The following CHST8 variants were observed in gnomAD, a reference collection of about 807,000 sequenced individuals.
CHST8 encodes carbohydrate sulfotransferase 8.
A neutral mutation model predicts 15.0 loss-of-function variants in CHST8; 10 were observed. The ratio of observed to expected loss-of-function variants is 0.67; its 90% CI spans 0.41 to 1.13. CHST8 has a LOEUF of 1.13. Ranked by LOEUF, CHST8 falls within the 50% of genes most tolerant of loss-of-function variation. The pLI, the probability that CHST8 is intolerant of heterozygous loss-of-function variation, is 0.00. For missense variants in CHST8, 634 were observed against 608.2 expected, an observed-to-expected ratio of 1.04 and a Z score of -0.45; for synonymous variants, 259 against 256.6, an observed-to-expected ratio of 1.01 and a Z score of -0.09.
intron 2 of CHST8, among the ~76,000 whole-genome samples, chr19:33,687,237 T>A (rs944995018): frequency 2.6e-5 from 4 of 152,214 alleles, no homozygotes; most frequent in Non-Finnish European, 5.9e-5. Context: ...GGGCTTACAG[T>A]GCTGCATCTG....
At chr19:33,649,045 A>C (rs1454730182) in intron 1 of CHST8, among the ~76,000 whole-genome samples, 1 of 151,586 alleles carries the variant, frequency 6.6e-6, no homozygotes, top group African/African-American at 2.4e-5. Flanking sequence ...CTGGGACTAC[A>C]GGCGCCCGCA....
rs936317197 is a variant in CHST8, at chr19:33,773,189, T to C, written c.*126T>C. ...CTGAGGACGTGAGGAGCCATCGCTGTGGGAGGCAGCAGGCCCCGGGTGGGG... is the reference window on the plus strand; with the variant it reads ...CTGAGGACGTGAGGAGCCATCGCTGCGGGAGGCAGCAGGCCCCGGGTGGGG... On this transcript the variant is annotated 3_prime_UTR_variant, in exon 5 of 5. Coordinates refer to ENST00000650847, the MANE Select transcript of CHST8 (RefSeq NM_001127895.2). The C allele has an allele frequency of 2.6e-6, 3 of 1,165,396 alleles. No homozygotes were observed. The highest frequency in any genetic ancestry group is 3.5e-6 in the Non-Finnish European group (3 of 853,566). 72.2% of individuals were successfully genotyped at this position (1,165,396 alleles called of 1,614,324 possible).
chr19:33,705,140 C>G lies in CHST8; in HGVS notation c.130+15749C>G, dbSNP rs1015887194. On this transcript the variant is annotated intron_variant, in intron 3 of 4. Transcript: ENST00000650847. ...CTATTTGGCTCCATGCCTGCTCTCC[C>G]TATACCCCCTGGGAGGACACAGAGG... is the stretch of plus-strand genomic sequence containing the variant. Among the ~76,000 whole-genome samples, 3 of 152,088 alleles carry G rather than the reference C, an allele frequency of 2.0e-5. No homozygotes were observed. In the East Asian group the frequency reaches 5.8e-4, roughly 29 times the overall value.
At chr19:33,728,856 C>T (rs1599593728) in intron 3 of CHST8, among the ~76,000 whole-genome samples, 1 of 152,302 alleles carries the variant, frequency 6.6e-6, no homozygotes, top group East Asian at 1.9e-4. Context: ...ACAAGGCAAG[C>T]TTGCCCAGTG....
intron 3 of CHST8, among the ~76,000 whole-genome samples, chr19:33,725,033 A>G (rs1234388333): frequency 6.6e-6 from 1 of 151,866 alleles, no homozygotes; most frequent in Non-Finnish European, 1.5e-5. Context: ...TCATCAGGAG[A>G]CCAGCACTGC....
intron 2 of CHST8, among the ~76,000 whole-genome samples, chr19:33,673,879 G>A (rs932038746): frequency 1.6e-4 from 24 of 152,134 alleles, no homozygotes; most frequent in Non-Finnish European, 5.9e-5. Flanking sequence ...TCAGCTTCCC[G>A]GGTAGATGGG....
chr19:33,754,347 G>A (rs1028970510), intron 3 of CHST8, among the ~76,000 whole-genome samples: 1 of 151,632 alleles, frequency 6.6e-6, no homozygotes, highest in Non-Finnish European at 1.5e-5. Flanking sequence ...GACCTCTTAT[G>A]AGCAAACCGT....
At chr19:33,700,863 T>G (rs1973319563) in intron 3 of CHST8, among the ~76,000 whole-genome samples, 2 of 152,164 alleles carry the variant, frequency 1.3e-5, no homozygotes, top group Admixed American at 6.5e-5. Flanking sequence ...GATTGCAGTG[T>G]GAAGGGTGTC....
At chr19:33,757,921 C>T in intron 3 of CHST8, among the ~76,000 whole-genome samples, 1 of 152,172 alleles carries the variant, frequency 6.6e-6, no homozygotes, top group African/African-American at 2.4e-5. Flanking sequence ...TCCAGAGCTT[C>T]TCTTGCCCCA....
intron 3 of CHST8, among the ~76,000 whole-genome samples, chr19:33,736,150 A>T (rs1204474757): frequency 6.6e-6 from 1 of 152,156 alleles, no homozygotes; most frequent in African/African-American, 2.4e-5. Flanking sequence ...CAGTCTCAGG[A>T]TGCTGTTGAA....
At chr19:33,669,047 T>C (rs1972700071) in intron 2 of CHST8, among the ~76,000 whole-genome samples, 2 of 152,222 alleles carry the variant, frequency 1.3e-5, no homozygotes, top group African/African-American at 4.8e-5. Flanking sequence ...TCTAATGTTA[T>C]GAGAGGGAAA....
intron 2 of CHST8, among the ~76,000 whole-genome samples, chr19:33,679,061 G>C (rs1248383268): frequency 2.0e-5 from 3 of 152,242 alleles, no homozygotes; most frequent in Non-Finnish European, 4.4e-5. Context: ...TTCCCTGGAA[G>C]GCAGCCAAGG....
chr19:33,769,979 G>A (rs1460907209), intron 3 of CHST8, among the ~76,000 whole-genome samples: 2 of 152,120 alleles, frequency 1.3e-5, no homozygotes, highest in Non-Finnish European at 2.9e-5. Context: ...AGGAAGGTTC[G>A]GGCAAGCTCA....
At chr19:33,726,425 G>A (rs144603676) in intron 3 of CHST8, among the ~76,000 whole-genome samples, 4 of 152,152 alleles carry the variant, frequency 2.6e-5, no homozygotes, top group Admixed American at 6.5e-5. Flanking sequence ...GCATGGTGGC[G>A]CATGCCTGTA....
At chr19:33,655,820 G>A (rs1972504124) in intron 1 of CHST8, among the ~76,000 whole-genome samples, 1 of 151,476 alleles carries the variant, frequency 6.6e-6, no homozygotes, top group Non-Finnish European at 1.5e-5. Flanking sequence ...GATTTCATTG[G>A]CCTTTTCTAA....
At chr19:33,641,309 G>C (rs536883630) in intron 1 of CHST8, among the ~76,000 whole-genome samples, 1 of 152,192 alleles carries the variant, frequency 6.6e-6, no homozygotes, top group African/African-American at 2.4e-5. Context: ...AGAGTCCTCG[G>C]GGAACAGGAT....
chr19:33,672,234 T>G (rs10408360), intron 2 of CHST8, among the ~76,000 whole-genome samples: 33,611 of 151,944 alleles, frequency 0.22, 3,976 homozygotes, highest in Admixed American at 0.28. Context: ...GTCTCACTCT[T>G]TTGCCCAGGC....
At chr19:33,672,403 G>C (rs1307721761) in intron 2 of CHST8, among the ~76,000 whole-genome samples, 3 of 152,078 alleles carry the variant, frequency 2.0e-5, no homozygotes, top group Non-Finnish European at 4.4e-5. Context: ...TCACCATGTT[G>C]GCCAGGCTGG....
intron 3 of CHST8, among the ~76,000 whole-genome samples, chr19:33,769,220 C>A (rs1354090838): frequency 1.3e-5 from 2 of 152,248 alleles, no homozygotes; most frequent in Admixed American, 6.5e-5. Flanking sequence ...GCAACCTCAA[C>A]AAGCACATGG....
Sources: gnomAD v4.1 joint callset for allele counts (sites outside exome capture counted in the v4.1 genomes callset) on GRCh38, gnomAD v4.1.1 for gene constraint, MANE v1.5 for transcripts, NCBI Gene and HGNC (gene_info 2026-07-23, HGNC 2026-07-21) for gene names.